The following CSMD1 variants were observed in gnomAD, a reference collection of about 807,000 sequenced individuals.
CSMD1 encodes the protein CUB and sushi domain-containing protein 1.
Under a neutral mutation model 417.5 loss-of-function variants are expected in CSMD1, and 213 were observed. That is an observed-to-expected ratio of 0.51 (90% CI 0.46 to 0.57). CSMD1 has a LOEUF of 0.57. Among genes scored for constraint, CSMD1 ranks in the 20% least tolerant of loss-of-function variants. CSMD1 has a pLI of 0.00. For missense variants in CSMD1, 6,923 were observed against 4,529.7 expected (o/e 1.53, Z -15.17); for synonymous variants, 2,862 against 1,736.8 (o/e 1.65, Z -16.11).
At chr8:4,801,582 C>A (rs777829577) in intron 1 of CSMD1, among the ~76,000 whole-genome samples, 6 of 152,060 alleles carry the variant, frequency 3.9e-5, no homozygotes, top group Admixed American at 6.6e-5. Context: ...ATATCTCAAT[C>A]ATCTCAGTTA....
intron 5 of CSMD1, among the ~76,000 whole-genome samples, chr8:3,776,969 C>A (rs986500167): frequency 6.6e-6 from 1 of 151,944 alleles, no homozygotes; most frequent in African/African-American, 2.4e-5. Flanking sequence ...CTACCTGGGC[C>A]TCCCATAGTG....
At chr8:4,710,985 A>G (rs1270049578) in intron 1 of CSMD1, among the ~76,000 whole-genome samples, 2 of 152,158 alleles carry the variant, frequency 1.3e-5, no homozygotes, top group African/African-American at 2.4e-5. Flanking sequence ...TGTGTACTTG[A>G]GTGACATGTG....
intron 5 of CSMD1, among the ~76,000 whole-genome samples, chr8:3,917,446 T>C (rs1293075369): frequency 6.6e-6 from 1 of 151,298 alleles, no homozygotes; most frequent in African/African-American, 2.4e-5. Context: ...CACACGCTCA[T>C]GCGCGCACAA....
At chr8:4,076,955 A>G (rs1799852353) in intron 3 of CSMD1, among the ~76,000 whole-genome samples, 1 of 152,170 alleles carries the variant, frequency 6.6e-6, no homozygotes, top group African/African-American at 2.4e-5. Flanking sequence ...CAAGGATAAC[A>G]CTTTCCTCTG....
intron 1 of CSMD1, among the ~76,000 whole-genome samples, chr8:4,962,460 C>G (rs1809570387): frequency 1.3e-5 from 2 of 152,212 alleles, no homozygotes; most frequent in South Asian, 4.1e-4. Flanking sequence ...ATCTTCCCAC[C>G]TAGGCCATCT....
intron 10 of CSMD1, among the ~76,000 whole-genome samples, chr8:3,568,711 G>A (rs1035310293): frequency 4.6e-5 from 7 of 151,882 alleles, no homozygotes; most frequent in African/African-American, 9.7e-5. Context: ...AGGTGTGTGT[G>A]TTTATCTATG....
chr8:4,887,478 C>A (rs142715795), intron 1 of CSMD1, among the ~76,000 whole-genome samples: 1 of 151,876 alleles, frequency 6.6e-6, no homozygotes, highest in African/African-American at 2.4e-5. Flanking sequence ...GTTTTTGTTA[C>A]GTGTAGATAA....
At chr8:4,201,959 G>C (rs768445064) in intron 3 of CSMD1, among the ~76,000 whole-genome samples, 12 of 151,276 alleles carry the variant, frequency 7.9e-5, no homozygotes, top group African/African-American at 1.7e-4. Flanking sequence ...AAAACCCTGA[G>C]ACAGAAAACA....
At chr8:3,710,968 C>A (rs9314503) in intron 6 of CSMD1, among the ~76,000 whole-genome samples, 5 of 151,998 alleles carry the variant, frequency 3.3e-5, no homozygotes, top group Non-Finnish European at 5.9e-5. Flanking sequence ...GCAATGCCGC[C>A]AGCTGTGCTT....
intron 3 of CSMD1, among the ~76,000 whole-genome samples, chr8:4,394,265 A>T (rs1804056736): frequency 6.6e-6 from 1 of 152,212 alleles, no homozygotes; most frequent in Non-Finnish European, 1.5e-5. Flanking sequence ...AAATATAAAA[A>T]TTGACATATA....
At chr8:4,372,387 G>A (rs1410423106) in intron 3 of CSMD1, among the ~76,000 whole-genome samples, 4 of 152,096 alleles carry the variant, frequency 2.6e-5, no homozygotes, top group Non-Finnish European at 5.9e-5. Flanking sequence ...CATTGCTGCT[G>A]TCAAAAGGTA....
intron 3 of CSMD1, among the ~76,000 whole-genome samples, chr8:4,088,663 T>C (rs2130839533): frequency 6.6e-6 from 1 of 152,214 alleles, no homozygotes; most frequent in East Asian, 1.9e-4. Context: ...GTCTTCATGT[T>C]TTCACCTTCA....
intron 3 of CSMD1, among the ~76,000 whole-genome samples, chr8:4,387,570 C>CAAAAGAAAAAAAAAAAA (rs1803536289): frequency 2.7e-5 from 1 of 37,206 alleles, no homozygotes; most frequent in Non-Finnish European, 5.8e-5. Flanking sequence ...TCCAAACTGG[C>CAAAAGAAAAAAAAAAAA]AAAAAAAAAA....
chr8:3,943,068 ATCTC>A (rs1314885501), intron 5 of CSMD1, among the ~76,000 whole-genome samples: 2 of 152,080 alleles, frequency 1.3e-5, no homozygotes, highest in Admixed American at 6.6e-5. Flanking sequence ...ATGCAATAAA[ATCTC>A]TCTATTACCC....
At chr8:3,293,649 A>G (rs116843919) in intron 25 of CSMD1, among the ~76,000 whole-genome samples, 2,929 of 152,206 alleles carry the variant, frequency 0.019, 40 homozygotes, top group East Asian at 0.03. Context: ...TTTGTCACGT[A>G]GTCCTCGTGC....
intron 10 of CSMD1, among the ~76,000 whole-genome samples, chr8:3,513,075 C>A (rs1228201292): frequency 6.6e-6 from 1 of 151,886 alleles, no homozygotes; most frequent in Non-Finnish European, 1.5e-5. Flanking sequence ...GCTGTGTTTT[C>A]ATGGTCATTG....
At chr8:4,741,234 T>C (rs899148466) in intron 1 of CSMD1, among the ~76,000 whole-genome samples, 3 of 152,178 alleles carry the variant, frequency 2.0e-5, no homozygotes, top group African/African-American at 7.2e-5. Flanking sequence ...TTCACTTAAC[T>C]TTTACTAATT....
chr8:4,807,316 C>A (rs939641976), intron 1 of CSMD1, among the ~76,000 whole-genome samples: 5 of 152,168 alleles, frequency 3.3e-5, no homozygotes, highest in Admixed American at 6.5e-5. Context: ...CGGCTAATTT[C>A]CAAGGGTAGG....
intron 49 of CSMD1, among the ~76,000 whole-genome samples, chr8:3,079,809 AT>A (rs532715879): frequency 2.0e-5 from 3 of 149,880 alleles, no homozygotes; most frequent in East Asian, 2.0e-4. Flanking sequence ...ATAATGAGGC[AT>A]TTTTTTTTTC....
Sources: gnomAD v4.1 joint callset for allele counts (sites outside exome capture counted in the v4.1 genomes callset) on GRCh38, gnomAD v4.1.1 for gene constraint, MANE v1.5 for transcripts, NCBI Gene and HGNC (gene_info 2026-07-23, HGNC 2026-07-21) for gene names.